Variants in IL1RAPL1 observed in about 807,000 individuals in gnomAD.
IL1RAPL1 encodes interleukin-1 receptor accessory protein-like 1.
A neutral mutation model predicts 48.4 loss-of-function variants in IL1RAPL1; 3 were observed. The ratio of observed to expected loss-of-function variants is 0.06; its 90% CI spans 0.03 to 0.16. The LOEUF (loss-of-function observed/expected upper bound fraction) is 0.16, where lower values mean the gene tolerates loss of function less well. Ranked by LOEUF, IL1RAPL1 falls within the 10% of genes least tolerant of loss-of-function variation. IL1RAPL1 has a pLI of 1.00. For missense variants in IL1RAPL1, 349 were observed against 530.6 expected, an observed-to-expected ratio of 0.66 and a Z score of 3.36; for synonymous variants, 185 against 187.7, an observed-to-expected ratio of 0.99 and a Z score of 0.12.
chrX:29,377,457 G>A (rs908493659), intron 3 of IL1RAPL1, among the ~76,000 whole-genome samples: 1 of 111,575 alleles, frequency 9.0e-6, no homozygotes, highest in Non-Finnish European at 1.9e-5. Context: ...TAGTGTCTGT[G>A]GGCTATGTGC....
At chrX:28,776,521 T>G (rs193170350) in intron 1 of IL1RAPL1, among the ~76,000 whole-genome samples, 14 of 112,113 alleles carry the variant, frequency 1.2e-4, no homozygotes, top group Non-Finnish European at 2.3e-4. Flanking sequence ...TGCAGAGACT[T>G]TGCAAGCCCA....
intron 5 of IL1RAPL1, among the ~76,000 whole-genome samples, chrX:29,518,935 G>A (rs777605199): frequency 8.9e-6 from 1 of 112,044 alleles, no homozygotes; most frequent in South Asian, 3.7e-4. Flanking sequence ...GTTTATAGCA[G>A]GTGAGATGGT....
Position 29,282,972 on chromosome X carries a change from G to A in IL1RAPL1, c.117G>A (p.Lys39=). 8.3e-7 allele frequency: 1 copy of A among 1,210,854 alleles called. No individual in the cohort carries two copies. The change falls in exon 3 of 11, where the codon AAG becomes AAA. Residue 39 remains lysine (K), a synonymous_variant. Transcript: ENST00000378993. ...GCACTGACTGGTCTATCGATATCAA[G>A]AAATATCAAGTTTTGGTGGGAGAGC... ...DGCTDWSIDI[K]KYQVLVGEPV...
At chrX:29,594,946 A>G (rs1923494098) in intron 5 of IL1RAPL1, among the ~76,000 whole-genome samples, 1 of 111,321 alleles carries the variant, frequency 9.0e-6, no homozygotes, top group Admixed American at 9.6e-5. Context: ...TTGTGTCCTT[A>G]TAGCTTAGCT....
At chrX:29,017,704 C>T (rs1253278908) in intron 2 of IL1RAPL1, among the ~76,000 whole-genome samples, 1 of 111,375 alleles carries the variant, frequency 9.0e-6, no homozygotes, top group South Asian at 3.7e-4. Flanking sequence ...GGACAACCAC[C>T]ACTACATTCA....
intron 6 of IL1RAPL1, among the ~76,000 whole-genome samples, chrX:29,771,228 AT>A (rs1929058237): frequency 8.9e-6 from 1 of 112,143 alleles, no homozygotes; most frequent in Non-Finnish European, 1.9e-5. Context: ...ATCATAGATT[AT>A]AGTATTCCGT....
At chrX:28,782,429 A>G (rs1601901423) in intron 1 of IL1RAPL1, among the ~76,000 whole-genome samples, 1 of 111,026 alleles carries the variant, frequency 9.0e-6, no homozygotes, top group East Asian at 2.8e-4. Flanking sequence ...AAGTTTTCTA[A>G]CTTCTTGTCA....
At chrX:28,979,662 A>G (rs1925282820) in intron 2 of IL1RAPL1, among the ~76,000 whole-genome samples, 1 of 111,991 alleles carries the variant, frequency 8.9e-6, no homozygotes, top group East Asian at 2.8e-4. Context: ...AAACAAAAGG[A>G]AAAATAATGA....
intron 2 of IL1RAPL1, among the ~76,000 whole-genome samples, chrX:28,878,674 TAC>T (rs1239316152): frequency 2.7e-5 from 3 of 111,693 alleles, no homozygotes; most frequent in Non-Finnish European, 5.6e-5. Flanking sequence ...ATCTAAGTCA[TAC>T]AGGAAAGACA....
At chrX:29,368,932 A>G in intron 3 of IL1RAPL1, 1 of 119,832 alleles carries the variant, frequency 8.3e-6, no homozygotes, top group Non-Finnish European at 1.7e-5. Context: ...CAACTGTTCT[A>G]TCTTCTGTTG....
At chrX:29,215,038 G>A (rs1930840005) in intron 2 of IL1RAPL1, among the ~76,000 whole-genome samples, 1 of 110,832 alleles carries the variant, frequency 9.0e-6, no homozygotes, top group South Asian at 3.7e-4. Flanking sequence ...AATACTAAAG[G>A]CTGTCAAGAT....
intron 5 of IL1RAPL1, among the ~76,000 whole-genome samples, chrX:29,492,699 C>G (rs745592870): frequency 8.9e-6 from 1 of 112,102 alleles, no homozygotes; most frequent in Admixed American, 9.5e-5. Context: ...AGGATAACCT[C>G]CCCACTTTAA....
intron 6 of IL1RAPL1, among the ~76,000 whole-genome samples, chrX:29,743,510 A>C (rs1928259415): frequency 9.0e-6 from 1 of 111,500 alleles, no homozygotes; most frequent in African/African-American, 3.3e-5. Flanking sequence ...TTTTTGAGAC[A>C]GAGCCTCGCT....
intron 1 of IL1RAPL1, among the ~76,000 whole-genome samples, chrX:28,704,101 C>G (rs1372694616): frequency 9.0e-6 from 1 of 111,529 alleles, no homozygotes; most frequent in Non-Finnish European, 1.9e-5. Context: ...TGAAAAGTAT[C>G]CTAGTATCAA....
At chrX:28,768,755 C>CTATATATATA (rs1207885215) in intron 1 of IL1RAPL1, among the ~76,000 whole-genome samples, 155 of 34,783 alleles carry the variant, frequency 4.5e-3, no homozygotes, top group East Asian at 8.2e-3. Context: ...CTCTCTCTCT[C>CTATATATATA]TATATATATA....
chrX:29,493,140 T>A (rs1935176107), intron 5 of IL1RAPL1, among the ~76,000 whole-genome samples: 1 of 112,004 alleles, frequency 8.9e-6, no homozygotes, highest in African/African-American at 3.2e-5. Flanking sequence ...CCAGTTAAAT[T>A]TGTGTTTATT....
intron 3 of IL1RAPL1, among the ~76,000 whole-genome samples, chrX:29,329,479 C>T (rs1932866891): frequency 9.0e-6 from 1 of 110,975 alleles, no homozygotes; most frequent in Non-Finnish European, 1.9e-5. Flanking sequence ...TAAAACAAAA[C>T]GTGGCCTATC....
At chrX:29,371,421 C>T (rs1454968588) in intron 3 of IL1RAPL1, among the ~76,000 whole-genome samples, 4 of 111,295 alleles carry the variant, frequency 3.6e-5, no homozygotes, top group Admixed American at 9.5e-5. Flanking sequence ...CATGAGCCAC[C>T]GTGCCTGGCC....
chrX:29,141,043 T>C (rs566836640), intron 2 of IL1RAPL1, among the ~76,000 whole-genome samples: 3 of 110,918 alleles, frequency 2.7e-5, no homozygotes, highest in African/African-American at 9.8e-5. Context: ...AGAAACCTCA[T>C]TGTACTCTCA....
Sources: allele counts gnomAD v4.1 joint callset (sites outside exome capture counted in the v4.1 genomes callset), GRCh38; gene constraint gnomAD v4.1.1; transcripts MANE v1.5; gene names NCBI Gene and HGNC (gene_info 2026-07-23, HGNC 2026-07-21).